TNFRSF11A: variants seen among roughly 807,000 people sequenced by gnomAD.
The protein encoded by TNFRSF11A is tumor necrosis factor receptor superfamily member 11A.
A neutral mutation model predicts 55.7 loss-of-function variants in TNFRSF11A; 32 were observed. That is an observed-to-expected ratio of 0.57 (90% CI 0.43 to 0.77). The LOEUF is 0.77. Ranked by LOEUF, TNFRSF11A falls within the 30% of genes least tolerant of loss-of-function variation. The pLI is 0.00. For synonymous variants in TNFRSF11A, 311 were observed against 331.0 expected (o/e 0.94, Z 0.65); for missense variants, 753 against 809.8 (o/e 0.93, Z 0.85).
chr18:62,364,527 G>C (rs1390013772), intron 7 of TNFRSF11A, among the ~76,000 whole-genome samples: 2 of 152,118 alleles, frequency 1.3e-5, no homozygotes, highest in Non-Finnish European at 2.9e-5. Flanking sequence ...ATCATGGCAG[G>C]TCTGCATGTT....
chr18:62,358,133 G>A, intron 4 of TNFRSF11A, 115 bp from the exon 5 acceptor site: 2 of 949,644 alleles, frequency 2.1e-6, no homozygotes, highest in South Asian at 1.3e-5. Context: ...TGAGGGCAGA[G>A]AGGGGCAGCG....
intron 5 of TNFRSF11A, among the ~76,000 whole-genome samples, chr18:62,358,653 T>G (rs1245771362): frequency 4.6e-5 from 7 of 152,242 alleles, no homozygotes; most frequent in African/African-American, 1.7e-4. Flanking sequence ...TCACGCCTAC[T>G]TCTCCCGATT....
intron 1 of TNFRSF11A, among the ~76,000 whole-genome samples, chr18:62,343,986 C>A (rs1258370642): frequency 6.6e-6 from 1 of 152,056 alleles, no homozygotes; most frequent in Non-Finnish European, 1.5e-5. Context: ...CTAAACAAGA[C>A]CTCTAAGAAG....
At chr18:62,365,547 C>T (rs748049627) in intron 7 of TNFRSF11A, among the ~76,000 whole-genome samples, 1 of 152,146 alleles carries the variant, frequency 6.6e-6, no homozygotes, top group Non-Finnish European at 1.5e-5. Context: ...GTACATTCAA[C>T]CTAGTTCACT....
rs552085797 is a variant in TNFRSF11A, at chr18:62,348,350, G to A, written c.157+101G>A. Reference sequence around the variant, plus strand: ...GATGAAAAAAAGAAATTGGATAGACGCGTTATGGTAGTGGCAGGTGGTAAT... The same window carrying A: ...GATGAAAAAAAGAAATTGGATAGACACGTTATGGTAGTGGCAGGTGGTAAT... On this transcript the variant is annotated intron_variant, in intron 2 of 9. Coordinates refer to ENST00000586569, the MANE Select transcript of TNFRSF11A (RefSeq NM_003839.4). 1.4e-5 allele frequency: 15 copies of A among 1,042,982 alleles called. No individual in the cohort carries two copies. In the East Asian group the frequency reaches 1.8e-4, roughly 12 times the overall value. The allele number at this position is 1,042,982 out of a possible 1,614,324, so 64.6% of individuals were successfully genotyped here. A position where few individuals can be genotyped will look rare whatever the true frequency, so the allele number is the denominator to read the frequency against.
At chr18:62,349,656 C>T (rs1490122041) in intron 2 of TNFRSF11A, among the ~76,000 whole-genome samples, 156 bp from the exon 3 acceptor site, 1 of 152,132 alleles carries the variant, frequency 6.6e-6, no homozygotes, top group Non-Finnish European at 1.5e-5. Context: ...GGCCTCTTCT[C>T]CTGTGTCATA....
intron 1 of TNFRSF11A, 141 bp from the exon 2 acceptor site, chr18:62,348,027 C>G (rs979893720): frequency 1.4e-6 from 1 of 711,218 alleles, no homozygotes; most frequent in Non-Finnish European, 2.5e-6. Flanking sequence ...CCATTGCACT[C>G]CAGCCTGGGC....
At chr18:62,372,997 G>A (rs1220309792) in intron 9 of TNFRSF11A, 1 of 152,230 alleles carries the variant, frequency 6.6e-6, no homozygotes, top group African/African-American at 2.4e-5. Context: ...GCCAGGGAGT[G>A]GACCGTGTGA....
chr18:62,376,206 G>A (rs1400210155), intron 9 of TNFRSF11A, among the ~76,000 whole-genome samples: 2 of 151,848 alleles, frequency 1.3e-5, no homozygotes, highest in Non-Finnish European at 2.9e-5. Context: ...CAGTTGTCTT[G>A]GGATGTTACT....
chr18:62,371,853 C>A (rs976479069), intron 9 of TNFRSF11A, among the ~76,000 whole-genome samples: 1 of 152,206 alleles, frequency 6.6e-6, no homozygotes, highest in African/African-American at 2.4e-5. Context: ...GGTGAGCAGT[C>A]CTACAGAGGC....
At chr18:62,342,027 C>T (rs1041515801) in intron 1 of TNFRSF11A, among the ~76,000 whole-genome samples, 4 of 151,994 alleles carry the variant, frequency 2.6e-5, no homozygotes, top group African/African-American at 9.6e-5. Flanking sequence ...CTACTTCATA[C>T]TCTTGTCACC....
chr18:62,345,270 G>A (rs1264217992), intron 1 of TNFRSF11A, among the ~76,000 whole-genome samples: 1 of 152,046 alleles, frequency 6.6e-6, no homozygotes, highest in Non-Finnish European at 1.5e-5. Flanking sequence ...AGGAAAAGGG[G>A]CAATAAAGGC....
At position 62,358,142 on chromosome 18, in the gene TNFRSF11A, C is replaced by T. The variant is rs3810024; in HGVS notation, c.428-106C>T. ...GGGAGGTGAGGGCAGAGAGGGGCAG[C>T]GCCTCACCTCCAGTCCTCTGGAGTC... On this transcript the variant is annotated intron_variant, in intron 4 of 9. Transcript: ENST00000586569. 31,584 of 1,036,530 alleles carry T rather than the reference C, an allele frequency of 0.03. 2,310 individuals are homozygous for T. The highest frequency in any genetic ancestry group is 0.22 in the East Asian group (9,040 of 41,940). 64.2% of individuals were successfully genotyped at this position (1,036,530 alleles called of 1,614,324 possible). A position where few individuals can be genotyped will look rare whatever the true frequency, so the allele number is the denominator to read the frequency against.
At chr18:62,377,643 A>G (rs1346374611) in intron 9 of TNFRSF11A, among the ~76,000 whole-genome samples, 1 of 152,140 alleles carries the variant, frequency 6.6e-6, no homozygotes, top group Non-Finnish European at 1.5e-5. Context: ...CTAATGACAT[A>G]TGATGTGGAG....
intron 9 of TNFRSF11A, among the ~76,000 whole-genome samples, chr18:62,371,848 G>C (rs962863781): frequency 6.6e-6 from 1 of 152,200 alleles, no homozygotes; most frequent in Non-Finnish European, 1.5e-5. Flanking sequence ...GCTTCGGTGA[G>C]CAGTCCTACA....
Position 62,390,463 on chromosome 18 carries a change from G to A in TNFRSF11A, c.*5429G>A, listed in dbSNP as rs1282747175. ...GTATTCCTGGTGCCTCTCCCCGTTT[G>A]GGAAGAATAACACATTGACCACCGG... On this transcript the variant is annotated 3_prime_UTR_variant, in exon 10 of 10. Coordinates refer to ENST00000586569, the MANE Select transcript of TNFRSF11A (RefSeq NM_003839.4). 3 of 152,176 alleles carry A rather than the reference G, an allele frequency of 2.0e-5. No homozygotes were observed. Among genetic ancestry groups the A allele is most frequent in the Non-Finnish European group, 4.4e-5 (3 of 68,058 alleles). 9.4% of individuals were successfully genotyped at this position (152,176 alleles called of 1,614,324 possible). A position where few individuals can be genotyped will look rare whatever the true frequency, so the allele number is the denominator to read the frequency against.
At chr18:62,326,013 T>A (rs1383082689) in intron 1 of TNFRSF11A, among the ~76,000 whole-genome samples, 1 of 152,192 alleles carries the variant, frequency 6.6e-6, no homozygotes, top group Non-Finnish European at 1.5e-5. Context: ...GACTTGACCC[T>A]CGCAGACCCG....
chr18:62,370,602 C>A (rs1910478719), intron 9 of TNFRSF11A, among the ~76,000 whole-genome samples: 1 of 152,120 alleles, frequency 6.6e-6, no homozygotes, highest in Non-Finnish European at 1.5e-5. Context: ...GTTCCTCAAG[C>A]TTGTGGTTTT....
intron 9 of TNFRSF11A, among the ~76,000 whole-genome samples, chr18:62,380,899 C>G (rs78500743): frequency 0.02 from 2,943 of 150,558 alleles, 95 homozygotes; most frequent in African/African-American, 0.069. Context: ...CATCTCTGGG[C>G]TCAGGTGATC....
Sources: allele counts gnomAD v4.1 joint callset (sites outside exome capture counted in the v4.1 genomes callset), GRCh38; gene constraint gnomAD v4.1.1; transcripts MANE v1.5; gene names NCBI Gene and HGNC (gene_info 2026-07-23, HGNC 2026-07-21).